FHIT: variants seen among roughly 807,000 people sequenced by gnomAD.
FHIT encodes fragile histidine triad diadenosine triphosphatase.
A neutral mutation model predicts 17.9 loss-of-function variants in FHIT; 19 were observed. The observed-to-expected ratio is 1.06, with a 90% CI of 0.74 to 1.56. The LOEUF is 1.56. Among genes scored for constraint, FHIT ranks in the 40% most tolerant of loss-of-function variants. The pLI is 0.00. For missense variants in FHIT, 248 were observed against 189.2 expected (o/e 1.31, Z -1.82); for synonymous variants, 81 against 69.7 (o/e 1.16, Z -0.81).
intron 5 of FHIT, among the ~76,000 whole-genome samples, chr3:60,407,472 G>A (rs1467578812): frequency 1.3e-5 from 2 of 152,046 alleles, no homozygotes; most frequent in African/African-American, 4.8e-5. Flanking sequence ...ATATAGGCAA[G>A]TTTAGATAAT....
chr3:60,278,044 G>C (rs1372703993), intron 5 of FHIT, among the ~76,000 whole-genome samples: 2 of 152,152 alleles, frequency 1.3e-5, no homozygotes, highest in South Asian at 2.1e-4. Context: ...CATAAGATCA[G>C]ATTACCTAAA....
chr3:59,957,391 C>A (rs1707457614), intron 7 of FHIT, among the ~76,000 whole-genome samples: 1 of 152,236 alleles, frequency 6.6e-6, no homozygotes, highest in Admixed American at 6.5e-5. Flanking sequence ...TCTGCTGACA[C>A]CTTGGTCTTT....
At chr3:59,935,717 G>A (rs1706202661) in intron 7 of FHIT, among the ~76,000 whole-genome samples, 1 of 151,960 alleles carries the variant, frequency 6.6e-6, no homozygotes, top group Non-Finnish European at 1.5e-5. Context: ...GTGGGTGGGT[G>A]GATGGGTGGG....
rs150480656 is a variant in FHIT, at chr3:60,795,411, C to A, written c.-18+26508G>T. Among the ~76,000 whole-genome samples the A allele has an allele frequency of 6.4e-3, 967 of 152,144 alleles. 2 individuals are homozygous for A. The highest frequency in any genetic ancestry group is 0.011 in the Non-Finnish European group (729 of 68,006). On this transcript the variant is annotated intron_variant, in intron 4 of 9. Coordinates refer to ENST00000492590, the MANE Select transcript of FHIT (RefSeq NM_002012.4). The stretch of plus-strand genomic sequence containing the variant: ...AACTTATTTACCTGTTTAAAAAATA[C>A]ATTCCTTGAAGATTTTCAGTTACTT...
chr3:60,830,047 C>T (rs184255226), intron 3 of FHIT, among the ~76,000 whole-genome samples: 1 of 152,098 alleles, frequency 6.6e-6, no homozygotes, highest in Non-Finnish European at 1.5e-5. Context: ...GTTTACCATA[C>T]TTTTCCTGGG....
intron 2 of FHIT, among the ~76,000 whole-genome samples, chr3:61,083,044 C>A (rs1453404988): frequency 6.6e-6 from 1 of 152,278 alleles, no homozygotes; most frequent in Admixed American, 6.5e-5. Context: ...TTGTAATTAT[C>A]ATCTCCCATT....
Position 61,025,091 on chromosome 3 carries a change from G to A in FHIT, c.-111+16956C>T, listed in dbSNP as rs531852093. 1.2e-4 allele frequency among the ~76,000 whole-genome samples: 18 copies of A among 152,188 alleles called. No individual in the cohort carries two copies. The East Asian group carries it at 3.5e-3, about 29-fold the overall frequency. On this transcript the variant is annotated intron_variant, in intron 3 of 9. Coordinates refer to ENST00000492590, the MANE Select transcript of FHIT (RefSeq NM_002012.4). ...CTATATAGCTTGCCTACCTTAAACAGAAAAATGACCAACATATTCTTATGT... is the reference window on the plus strand; with the variant it reads ...CTATATAGCTTGCCTACCTTAAACAAAAAAATGACCAACATATTCTTATGT...
chr3:61,178,835 A>G (rs1462152665), intron 2 of FHIT, among the ~76,000 whole-genome samples: 1 of 152,032 alleles, frequency 6.6e-6, no homozygotes, highest in East Asian at 1.9e-4. Flanking sequence ...TGTGGCTGAC[A>G]GTCAGTAATA....
chr3:60,518,477 A>C (rs2035239404), intron 5 of FHIT, among the ~76,000 whole-genome samples: 1 of 152,194 alleles, frequency 6.6e-6, no homozygotes, highest in Non-Finnish European at 1.5e-5. Context: ...CTAATTCTTG[A>C]AGTTTATGAG....
chr3:59,880,717 A>G (rs1297932617), intron 8 of FHIT, among the ~76,000 whole-genome samples: 1 of 152,238 alleles, frequency 6.6e-6, no homozygotes, highest in Non-Finnish European at 1.5e-5. Context: ...ACAGGAATCC[A>G]TCAATCAGCT....
At chr3:60,143,049 C>T (rs573411487) in intron 5 of FHIT, among the ~76,000 whole-genome samples, 57 of 152,226 alleles carry the variant, frequency 3.7e-4, no homozygotes, top group African/African-American at 1.3e-3. Context: ...AGAAAGAAAA[C>T]TGGGTCTGCG....
intron 2 of FHIT, among the ~76,000 whole-genome samples, chr3:61,070,865 T>G (rs2034782594): frequency 6.6e-6 from 1 of 152,174 alleles, no homozygotes; most frequent in Non-Finnish European, 1.5e-5. Context: ...TGCAAGAGAG[T>G]GAATTATTGG....
chr3:60,141,397 A>C (rs1479288676), intron 5 of FHIT, among the ~76,000 whole-genome samples: 1 of 152,046 alleles, frequency 6.6e-6, no homozygotes, highest in African/African-American at 2.4e-5. Context: ...AAAAAAAAAA[A>C]AAACACTGAA....
At chr3:60,720,015 A>G (rs760200659) in intron 4 of FHIT, among the ~76,000 whole-genome samples, 53 of 152,142 alleles carry the variant, frequency 3.5e-4, no homozygotes, top group Non-Finnish European at 5.7e-4. Flanking sequence ...CAGAGCTTCC[A>G]TGAGCTCTCA....
intron 5 of FHIT, among the ~76,000 whole-genome samples, chr3:60,214,724 T>C (rs765158498): frequency 1.1e-4 from 16 of 152,152 alleles, no homozygotes; most frequent in Admixed American, 7.2e-4. Flanking sequence ...CCTATGTTCA[T>C]TGCAGTACTA....
intron 5 of FHIT, among the ~76,000 whole-genome samples, chr3:60,121,719 C>A (rs554722386): frequency 0.21 from 27,493 of 131,260 alleles, 2,941 homozygotes; most frequent in African/African-American, 0.3. Context: ...AACACACACA[C>A]ACACACACAC....
At chr3:60,873,766 G>C (rs1465856860) in intron 3 of FHIT, among the ~76,000 whole-genome samples, 3 of 152,132 alleles carry the variant, frequency 2.0e-5, no homozygotes, top group Non-Finnish European at 4.4e-5. Context: ...TTTGCTAATG[G>C]AAAGAAATAT....
chr3:59,974,567 C>T (rs1708328165), intron 7 of FHIT, among the ~76,000 whole-genome samples: 1 of 152,102 alleles, frequency 6.6e-6, no homozygotes, highest in Non-Finnish European at 1.5e-5. Context: ...AATACTGTGA[C>T]ATTTAAGTGG....
chr3:60,117,832 A>T (rs1333502652), intron 5 of FHIT, among the ~76,000 whole-genome samples: 1 of 152,130 alleles, frequency 6.6e-6, no homozygotes, highest in Non-Finnish European at 1.5e-5. Flanking sequence ...TCCTCTGTAC[A>T]ACCTTCAGGA....
Sources: gnomAD v4.1 joint callset for allele counts (sites outside exome capture counted in the v4.1 genomes callset) on GRCh38, gnomAD v4.1.1 for gene constraint, MANE v1.5 for transcripts, NCBI Gene and HGNC (gene_info 2026-07-23, HGNC 2026-07-21) for gene names.